SOX6: variants seen among roughly 807,000 people sequenced by gnomAD.
SOX6 encodes transcription factor SOX-6.
Under a neutral mutation model 97.8 loss-of-function variants are expected in SOX6, and 11 were observed. That is an observed-to-expected ratio of 0.11 (90% CI 0.07 to 0.19). The LOEUF (loss-of-function observed/expected upper bound fraction) is 0.19. Among genes scored for constraint, SOX6 ranks in the 10% least tolerant of loss-of-function variants. The probability of loss-of-function intolerance (pLI) is 1.00; values close to 1 mark genes in which losing one functional copy is unlikely to be tolerated. For synonymous variants in SOX6, 360 were observed against 371.4 expected, an observed-to-expected ratio of 0.97 and a Z score of 0.35; for missense variants, 810 against 1,039.5, an observed-to-expected ratio of 0.78 and a Z score of 3.04.
intron 4 of SOX6, among the ~76,000 whole-genome samples, chr11:16,195,694 C>A (rs1231515788): frequency 6.6e-6 from 1 of 152,182 alleles, no homozygotes; most frequent in African/African-American, 2.4e-5. Context: ...CCTTCTCTTC[C>A]CAAATAGCAT....
intron 9 of SOX6, among the ~76,000 whole-genome samples, chr11:16,071,556 G>C (rs1848225805): frequency 6.6e-6 from 1 of 152,022 alleles, no homozygotes; most frequent in South Asian, 2.1e-4. Flanking sequence ...CACCCTGATA[G>C]CAGGGCAGGC....
intron 6 of SOX6, among the ~76,000 whole-genome samples, chr11:16,119,433 T>C (rs1849435618): frequency 6.6e-6 from 1 of 152,222 alleles, no homozygotes; most frequent in Non-Finnish European, 1.5e-5. Flanking sequence ...CATACTGAAC[T>C]TCTCTTTGTT....
intron 3 of SOX6, chr11:16,317,831 A>G: frequency 4.0e-6 from 1 of 248,036 alleles, no homozygotes; most frequent in Middle Eastern, 4.5e-4. Context: ...GTTTAAAAAT[A>G]TTATTGGAGA....
chr11:16,320,863 C>A (rs897464876), intron 2 of SOX6, among the ~76,000 whole-genome samples: 21 of 152,194 alleles, frequency 1.4e-4, no homozygotes, highest in African/African-American at 4.6e-4. Context: ...CAGAATAGAG[C>A]AGCTCAATAT....
At chr11:16,717,899 A>T in intron 2 of SOX6, among the ~76,000 whole-genome samples, 1 of 151,504 alleles carries the variant, frequency 6.6e-6, no homozygotes. Context: ...TCTGGCTCAG[A>T]AATGTAAAAT....
chr11:15,984,910 C>T (rs1469546820), intron 15 of SOX6, among the ~76,000 whole-genome samples: 3 of 152,098 alleles, frequency 2.0e-5, no homozygotes, highest in African/African-American at 7.2e-5. Flanking sequence ...CTTTTAAAAG[C>T]GTTGCCTCAT....
intron 4 of SOX6, among the ~76,000 whole-genome samples, chr11:16,485,136 G>A (rs1860406814): frequency 6.6e-6 from 1 of 152,152 alleles, no homozygotes; most frequent in Non-Finnish European, 1.5e-5. Flanking sequence ...CCGCCAACAT[G>A]TGTAACTGAA....
rs1426861637 is a variant in SOX6, at chr11:16,341,109, A to C, written c.140T>G (p.Met47Arg). Reference sequence around the variant, plus strand: ...CTCCTCAGAGTGAGGTTTGTTGTGCATTATGGGGTGCAGAGGCAGATGGGA... The same window carrying C: ...CTCCTCAGAGTGAGGTTTGTTGTGCCTTATGGGGTGCAGAGGCAGATGGGA... Reference protein sequence around the residue: ...VASHLPLHPIMHNKPHSEELP... With the variant: ...VASHLPLHPIRHNKPHSEELP... The change falls in exon 2 of 16, where the codon ATG (methionine) becomes AGG (arginine). Residue 47 changes from methionine (M) to arginine (R), a missense_variant. Physicochemically the swap from Met to Arg is moderately conservative, Grantham distance 91. This residue lies in a region of SOX6 where 100 missense variants were observed against 94.6 expected (regional missense o/e 1.06). Coordinates refer to ENST00000683767, the MANE Select transcript of SOX6 (RefSeq NM_001367873.1). The C allele has an allele frequency of 6.2e-7, 1 of 1,613,556 alleles. No individual in the cohort carries two copies. The highest frequency in any genetic ancestry group is 1.7e-5 in the Admixed American group (1 of 59,982).
intron 3 of SOX6, among the ~76,000 whole-genome samples, chr11:16,289,391 C>T (rs1854841839): frequency 6.6e-6 from 1 of 151,936 alleles, no homozygotes; most frequent in Non-Finnish European, 1.5e-5. Flanking sequence ...GCATGACTAC[C>T]TCAGGATTTT....
At chr11:16,332,098 T>C (rs1856320644) in intron 2 of SOX6, among the ~76,000 whole-genome samples, 1 of 152,166 alleles carries the variant, frequency 6.6e-6, no homozygotes, top group Non-Finnish European at 1.5e-5. Context: ...TCCAATTATA[T>C]CTGAAATACA....
At chr11:16,003,584 A>G (rs182524547) in intron 13 of SOX6, among the ~76,000 whole-genome samples, 1 of 152,216 alleles carries the variant, frequency 6.6e-6, no homozygotes, top group Non-Finnish European at 1.5e-5. Flanking sequence ...CCCAGGGTCT[A>G]GTAGCCAGGA....
intron 4 of SOX6, among the ~76,000 whole-genome samples, chr11:16,574,763 AT>A (rs968165487): frequency 3.9e-5 from 6 of 151,978 alleles, no homozygotes; most frequent in Admixed American, 3.3e-4. Flanking sequence ...ACTACAAATC[AT>A]TTTTTTTAAA....
chr11:16,284,630 G>C (rs929337238), intron 3 of SOX6, among the ~76,000 whole-genome samples: 1 of 152,098 alleles, frequency 6.6e-6, no homozygotes, highest in Admixed American at 6.6e-5. Context: ...GCCCTTCCCT[G>C]GTTGAGCATC....
At chr11:16,594,684 CT>C (rs10653599) in intron 4 of SOX6, among the ~76,000 whole-genome samples, 1 of 68,258 alleles carries the variant, frequency 1.5e-5, no homozygotes, top group African/African-American at 6.2e-5. Context: ...TCGGTTTTTG[CT>C]TTTTTTTTTT....
chr11:16,291,516 A>G (rs1157844049), intron 3 of SOX6, among the ~76,000 whole-genome samples: 1 of 151,926 alleles, frequency 6.6e-6, no homozygotes, highest in Non-Finnish European at 1.5e-5. Flanking sequence ...TGTGTGTTTC[A>G]GTAGGGTGTT....
chr11:16,535,585 T>A (rs1175603702), intron 4 of SOX6, among the ~76,000 whole-genome samples: 1 of 151,972 alleles, frequency 6.6e-6, no homozygotes, highest in Non-Finnish European at 1.5e-5. Context: ...GGTGAGAGGA[T>A]CCCTTGACCC....
At chr11:16,511,993 A>T (rs895896849) in intron 4 of SOX6, among the ~76,000 whole-genome samples, 4 of 152,194 alleles carry the variant, frequency 2.6e-5, no homozygotes, top group African/African-American at 9.7e-5. Flanking sequence ...AACTAAACAA[A>T]GTATTACACT....
intron 15 of SOX6, among the ~76,000 whole-genome samples, chr11:15,974,378 C>CTTTTTTTTTTTTTTTTTTTTTTTTTTT (rs35597667): frequency 3.5e-5 from 3 of 85,658 alleles, no homozygotes; most frequent in African/African-American, 5.0e-5. Flanking sequence ...TTAGCTCTCT[C>CTTTTTTTTTTTTTTTTTTTTTTTTTTT]TTTTTTTTTT....
chr11:16,121,981 G>C (rs1187472117), intron 6 of SOX6, among the ~76,000 whole-genome samples: 1 of 151,898 alleles, frequency 6.6e-6, no homozygotes, highest in African/African-American at 2.4e-5. Flanking sequence ...TGCAACTAAG[G>C]AAAATTCATG....
Sources: gnomAD v4.1 joint callset for allele counts (sites outside exome capture counted in the v4.1 genomes callset) on GRCh38, gnomAD v4.1.1 for gene constraint, gnomAD v4.1.1 regional missense constraint, MANE v1.5 for transcripts, NCBI Gene and HGNC (gene_info 2026-07-23, HGNC 2026-07-21) for gene names.